FABP7: variants seen among roughly 807,000 people sequenced by gnomAD.
FABP7 encodes fatty acid-binding protein, brain.
In FABP7, 13 loss-of-function variants were observed where a neutral mutation model predicts 14.2. The ratio of observed to expected loss-of-function variants is 0.91; its 90% CI spans 0.59 to 1.45. FABP7 has a LOEUF of 1.45. Among genes scored for constraint, FABP7 ranks in the 40% most tolerant of loss-of-function variants. The pLI, the probability that FABP7 is intolerant of heterozygous loss-of-function variation, is 0.00. For synonymous variants in FABP7, 49 were observed against 51.4 expected (o/e 0.95, Z 0.20); for missense variants, 149 against 157.6 (o/e 0.95, Z 0.29).
chr6:122,762,784 A>G, the FABP7 span, among the ~76,000 whole-genome samples: 1 of 152,244 alleles, frequency 6.6e-6, no homozygotes, highest in African/African-American at 2.4e-5. Context: ...GTGAACTCCC[A>G]TTCACAATTG....
the FABP7 span, among the ~76,000 whole-genome samples, chr6:122,763,229 A>G: frequency 2.7e-4 from 41 of 152,200 alleles, no homozygotes; most frequent in Non-Finnish European, 5.1e-4. Context: ...CTCAGAAGTA[A>G]TTCCACACAT....
chr6:122,760,296 T>C, the FABP7 span, among the ~76,000 whole-genome samples: 23 of 152,266 alleles, frequency 1.5e-4, no homozygotes, highest in African/African-American at 5.5e-4. Context: ...TCCTGTAAAA[T>C]GTTCCTCTTT....
At chr6:122,781,740 C>CCATT in intron 3 of FABP7, 7 of 739,874 alleles carry the variant, frequency 9.5e-6, no homozygotes, top group Non-Finnish European at 1.1e-5. Flanking sequence ...AGTGATAACC[C>CCATT]TTTTTTTTTT....
the FABP7 span, among the ~76,000 whole-genome samples, chr6:122,772,414 C>T: frequency 2.0e-5 from 3 of 152,086 alleles, no homozygotes; most frequent in African/African-American, 7.2e-5. Flanking sequence ...TTTTCAAGGG[C>T]ATGCCATACC....
chr6:122,768,344 A>G, the FABP7 span, among the ~76,000 whole-genome samples: 7 of 152,184 alleles, frequency 4.6e-5, no homozygotes, highest in Admixed American at 3.9e-4. Context: ...ATCAATTTCA[A>G]TTCAAACTAT....
chr6:122,779,775 A>G lies in FABP7; in HGVS notation c.-20A>G, dbSNP rs772267264. ...CCAGAAGATCCCCGCTCCTGTCTCT[A>G]AAGAGGGGAAAGGGCAAGGATGGTG... On this transcript the variant is annotated 5_prime_UTR_variant, in exon 1 of 4. Transcript: ENST00000368444. 1.1e-5 allele frequency: 17 copies of G among 1,613,504 alleles called. No homozygotes were observed. The highest frequency in any genetic ancestry group is 1.4e-5 in the Non-Finnish European group (16 of 1,179,546).
chr6:122,781,835 G>A (rs1202447384), intron 3 of FABP7: 36 of 498,728 alleles, frequency 7.2e-5, no homozygotes, highest in Non-Finnish European at 9.0e-5. Context: ...TCTGCTTCAT[G>A]GGCTCAAGCG....
chr6:122,760,777 T>C, the FABP7 span, among the ~76,000 whole-genome samples: 1 of 152,092 alleles, frequency 6.6e-6, no homozygotes, highest in African/African-American at 2.4e-5. Context: ...GATATTTAAA[T>C]CAAACAATTT....
upstream of FABP7, among the ~76,000 whole-genome samples, chr6:122,774,757 C>T (rs1239104323): frequency 3.4e-5 from 5 of 148,706 alleles, no homozygotes; most frequent in Non-Finnish European, 5.9e-5. Context: ...TTTAGAAAAA[C>T]CTAAAGACTC....
At chr6:122,770,181 G>A in the FABP7 span, among the ~76,000 whole-genome samples, 1 of 151,968 alleles carries the variant, frequency 6.6e-6, no homozygotes, top group Non-Finnish European at 1.5e-5. Context: ...TCTTGGAAGA[G>A]GAATTTTTAA....
upstream of FABP7, among the ~76,000 whole-genome samples, chr6:122,775,429 C>T (rs1226998642): frequency 1.3e-5 from 2 of 152,020 alleles, no homozygotes; most frequent in East Asian, 3.8e-4. Flanking sequence ...GTCACTTCAA[C>T]AAATGGTGTT....
At chr6:122,783,694 T>C in intron 3 of FABP7, 23 bp from the exon 4 acceptor site, 3 of 1,580,116 alleles carry the variant, frequency 1.9e-6, no homozygotes, top group Non-Finnish European at 8.5e-7. Context: ...TAAAAAGATT[T>C]GATTATCTTT....
At chr6:122,761,707 A>G in the FABP7 span, among the ~76,000 whole-genome samples, 1 of 152,228 alleles carries the variant, frequency 6.6e-6, no homozygotes, top group Non-Finnish European at 1.5e-5. Flanking sequence ...ACTTAAATGT[A>G]GAAAATAAAT....
the FABP7 span, among the ~76,000 whole-genome samples, chr6:122,773,853 A>C: frequency 6.6e-6 from 1 of 152,132 alleles, no homozygotes; most frequent in East Asian, 1.9e-4. Context: ...TCCTAAAGCA[A>C]CTTATCTTTC....
At chr6:122,782,893 A>G in intron 3 of FABP7, 1 of 985,384 alleles carries the variant, frequency 1.0e-6, no homozygotes, top group Non-Finnish European at 1.2e-6. Flanking sequence ...ACTCATTTCT[A>G]AAAGATTCGC....
the FABP7 span, among the ~76,000 whole-genome samples, chr6:122,754,942 T>G: frequency 6.6e-6 from 1 of 152,110 alleles, no homozygotes; most frequent in Admixed American, 6.6e-5. Flanking sequence ...TTTCTACTGG[T>G]TATTTCCCAG....
the FABP7 span, among the ~76,000 whole-genome samples, chr6:122,763,397 A>C: frequency 6.6e-6 from 1 of 152,220 alleles, no homozygotes; most frequent in African/African-American, 2.4e-5. Context: ...TTCAAGATGG[A>C]TTAAAGACTT....
the FABP7 span, among the ~76,000 whole-genome samples, chr6:122,759,939 T>C: frequency 6.6e-6 from 1 of 151,934 alleles, no homozygotes; most frequent in Admixed American, 6.6e-5. Context: ...GCCAATATGG[T>C]GAAACCCCAT....
At chr6:122,755,296 C>T in the FABP7 span, among the ~76,000 whole-genome samples, 1 of 152,058 alleles carries the variant, frequency 6.6e-6, no homozygotes, top group Non-Finnish European at 1.5e-5. Context: ...CACTAAAAAA[C>T]ATGTACTTCT....
Sources: gnomAD v4.1 joint callset for allele counts (sites outside exome capture counted in the v4.1 genomes callset) on GRCh38, gnomAD v4.1.1 for gene constraint, MANE v1.5 for transcripts, NCBI Gene and HGNC (gene_info 2026-07-23, HGNC 2026-07-21) for gene names.